Variants in LRP2BP observed in about 807,000 individuals in gnomAD.
LRP2BP encodes LRP2 binding protein.
LRP2BP carries 38 observed loss-of-function variants against 45.2 expected under a neutral mutation model. The ratio of observed to expected loss-of-function variants is 0.84; its 90% CI spans 0.65 to 1.10. The LOEUF (loss-of-function observed/expected upper bound fraction) is 1.10, where lower values mean the gene tolerates loss of function less well. LRP2BP is among the 50% of genes least tolerant of loss of function. LRP2BP has a pLI of 0.00. For synonymous variants in LRP2BP, 153 were observed against 153.9 expected (o/e 0.99, Z 0.04); for missense variants, 385 against 418.9 (o/e 0.92, Z 0.71).
rs2095377917 is a variant in LRP2BP at position 185,364,022 on chromosome 4, C to T, written c.*3158G>A. 1 of 152,702 alleles carries T rather than the reference C, an allele frequency of 6.5e-6. No individual in the cohort carries two copies. Among genetic ancestry groups the T allele is most frequent in the Admixed American group, 6.5e-5 (1 of 15,292 alleles). The allele number at this position is 152,702 out of a possible 1,614,324, so 9.5% of individuals were successfully genotyped here. A position where few individuals can be genotyped will look rare whatever the true frequency, so the allele number is the denominator to read the frequency against. Reference sequence around the variant, plus strand: ...ATATCTCAAAGAGGTTGAAACTCTACAGGCTGTTCAAATATTTATCAAATG... The same window carrying T: ...ATATCTCAAAGAGGTTGAAACTCTATAGGCTGTTCAAATATTTATCAAATG... On this transcript the variant is annotated 3_prime_UTR_variant, in exon 9 of 9. Transcript: ENST00000505916.
At chr4:185,376,041 A>T (rs1463484916) in intron 3 of LRP2BP, among the ~76,000 whole-genome samples, 1 of 151,994 alleles carries the variant, frequency 6.6e-6, no homozygotes, top group Non-Finnish European at 1.5e-5. Context: ...GGTGAAAGAC[A>T]GTCAGTCCCT....
At chr4:185,384,692 G>A (rs1208109158) in intron 1 of LRP2BP, among the ~76,000 whole-genome samples, 3 of 150,738 alleles carry the variant, frequency 2.0e-5, no homozygotes, top group African/African-American at 7.3e-5. Flanking sequence ...CCTCAAACCC[G>A]TGTTTATTGT....
At position 185,395,249 on chromosome 4, in the gene LRP2BP, G is replaced by A. The variant is rs539214736; in HGVS notation, c.-492C>T. On this transcript the variant is annotated 5_prime_UTR_variant, in exon 1 of 9. Coordinates refer to ENST00000505916, the MANE Select transcript of LRP2BP (RefSeq NM_001377440.1). ...CTTAATGCATACTGAACAGAATCTT[G>A]TTTCAAAGAAAAGATATGAAATATG... The A allele has an allele frequency of 1.0e-6, 1 of 985,386 alleles. No homozygotes were observed. The highest frequency in any genetic ancestry group is 1.2e-6 in the Non-Finnish European group (1 of 829,916). 61.0% of individuals were successfully genotyped at this position (985,386 alleles called of 1,614,324 possible). A position where few individuals can be genotyped will look rare whatever the true frequency, so the allele number is the denominator to read the frequency against.
intron 7 of LRP2BP, 152 bp from the exon 8 acceptor site, chr4:185,370,966 T>A: frequency 1.4e-6 from 1 of 707,790 alleles, no homozygotes; most frequent in Non-Finnish European, 2.3e-6. Context: ...AGGGTCCATG[T>A]AGGCACCTCA....
At chr4:185,380,303 A>G (rs2095452102) in intron 1 of LRP2BP, among the ~76,000 whole-genome samples, 1 of 152,214 alleles carries the variant, frequency 6.6e-6, no homozygotes, top group South Asian at 2.1e-4. Context: ...CTAAAACAAA[A>G]TATCAAAAAC....
Position 185,394,898 on chromosome 4 carries a change from G to C in LRP2BP, c.-141C>G. 1 of 985,398 alleles carries C rather than the reference G, an allele frequency of 1.0e-6. No individual in the cohort carries two copies. The highest frequency in any genetic ancestry group is 4.7e-5 in the South Asian group (1 of 21,286). The allele number at this position is 985,398 out of a possible 1,614,324, so 61.0% of individuals were successfully genotyped here. A position where few individuals can be genotyped will look rare whatever the true frequency, so the allele number is the denominator to read the frequency against. On this transcript the variant is annotated 5_prime_UTR_variant, in exon 1 of 9. Coordinates refer to ENST00000505916, the MANE Select transcript of LRP2BP (RefSeq NM_001377440.1). ...GCTTAGGAGAACGCCTATAAAATAT[G>C]CATCTTAGATCATCTTCCGTTTTAG...
In LRP2BP at chr4:185,366,244, T is replaced by C; in HGVS notation, c.*936A>G. 1 of 152,258 alleles carries C rather than the reference T, an allele frequency of 6.6e-6. No homozygotes were observed. The highest frequency in any genetic ancestry group is 1.9e-4 in the East Asian group (1 of 5,206). The allele number at this position is 152,258 out of a possible 1,614,324, so 9.4% of individuals were successfully genotyped here. Reference sequence around the variant, plus strand: ...TGTCATCTATATACGGAAAGCCTTTTGCTAATTTTAACAATATTTAATTGT... The same window carrying C: ...TGTCATCTATATACGGAAAGCCTTTCGCTAATTTTAACAATATTTAATTGT... On this transcript the variant is annotated 3_prime_UTR_variant, in exon 9 of 9. Transcript: ENST00000505916.
chr4:185,371,434 C>T (rs553479677), intron 7 of LRP2BP, among the ~76,000 whole-genome samples: 5 of 150,472 alleles, frequency 3.3e-5, no homozygotes, highest in South Asian at 2.1e-4. Flanking sequence ...CCCAGCTACT[C>T]GGGAGGCTGA....
chr4:185,386,253 T>C (rs1316718160), intron 1 of LRP2BP, among the ~76,000 whole-genome samples: 1 of 152,204 alleles, frequency 6.6e-6, no homozygotes, highest in African/African-American at 2.4e-5. Context: ...GCTTAAAGGC[T>C]GCCTGATATG....
chr4:185,395,282 T>A lies in LRP2BP; in HGVS notation c.-525A>T. On this transcript the variant is annotated 5_prime_UTR_variant, in exon 1 of 9. In the 5' UTR this introduces an upstream ATG that the reference lacks. Transcript: ENST00000505916. Reference sequence around the variant, plus strand: ...GAAAAGATATGAAATATGGAGGCACTTTCACCACACAAATATCCCACTACA... The same window carrying A: ...GAAAAGATATGAAATATGGAGGCACATTCACCACACAAATATCCCACTACA... 2 of 985,474 alleles carry A rather than the reference T, an allele frequency of 2.0e-6. No homozygotes were observed. Among genetic ancestry groups the A allele is most frequent in the Non-Finnish European group, 2.4e-6 (2 of 829,940 alleles). 61.0% of individuals were successfully genotyped at this position (985,474 alleles called of 1,614,324 possible).
At chr4:185,389,055 T>TTTTGTA (rs2095480610) in intron 1 of LRP2BP, among the ~76,000 whole-genome samples, 1 of 151,804 alleles carries the variant, frequency 6.6e-6, no homozygotes, top group Non-Finnish European at 1.5e-5. Flanking sequence ...AATTTTTGTA[T>TTTTGTA]TTTTAGTAGA....
intron 1 of LRP2BP, among the ~76,000 whole-genome samples, chr4:185,394,177 G>A (rs944580095): frequency 1.3e-5 from 2 of 149,636 alleles, no homozygotes; most frequent in African/African-American, 4.9e-5. Context: ...AGAATCACTT[G>A]AACCCGGGAA....
chr4:185,368,795 G>GTTT lies in LRP2BP; in HGVS notation c.979-1553_979-1551dup, dbSNP rs34691416. Among the ~76,000 whole-genome samples the GTTT allele has an allele frequency of 3.8e-3, 500 of 133,048 alleles. 6 individuals are homozygous for GTTT. The highest frequency in any genetic ancestry group is 0.016 in the East Asian group (75 of 4,588). The allele number at this position is 133,048 out of a possible 152,430, so 87.3% of individuals were successfully genotyped here. On this transcript the variant is annotated intron_variant, in intron 8 of 8. Coordinates refer to ENST00000505916, the MANE Select transcript of LRP2BP (RefSeq NM_001377440.1). Reference sequence around the variant, plus strand: ...TCGTTCTCAGATTGGAATCTGTTTTGTTTTTTTTTTTTTTTTGAGATGGAG... The same window carrying GTTT: ...TCGTTCTCAGATTGGAATCTGTTTTGTTTTTTTTTTTTTTTTTTTGAGATGGAG...
intron 7 of LRP2BP, among the ~76,000 whole-genome samples, chr4:185,371,369 C>T (rs562030726): frequency 1.8e-4 from 28 of 151,832 alleles, no homozygotes; most frequent in African/African-American, 6.3e-4. Flanking sequence ...GAAACCCCGT[C>T]TCTACTAAAA....
chr4:185,371,133 C>T lies in LRP2BP; in HGVS notation c.804-319G>A, dbSNP rs117119552. ...TGTCACTTTGTGGATTTAAACTGAA[C>T]GGAGAAGAAAGCATTTTCTATTTCT... is the stretch of plus-strand genomic sequence containing the variant. On this transcript the variant is annotated intron_variant, in intron 7 of 8. Transcript: ENST00000505916. 7.3e-4 allele frequency: 166 copies of T among 227,012 alleles called. 3 individuals carry two copies. The East Asian group carries it at 9.7e-3, about 13-fold the overall frequency. 14.1% of individuals were successfully genotyped at this position (227,012 alleles called of 1,614,324 possible). A position where few individuals can be genotyped will look rare whatever the true frequency, so the allele number is the denominator to read the frequency against.
intron 8 of LRP2BP, chr4:185,369,709 A>G (rs767889857): frequency 2.3e-6 from 1 of 430,712 alleles, no homozygotes; most frequent in South Asian, 1.7e-5. Flanking sequence ...TTTTAAAGTA[A>G]TTTAGGGTTC....
rs991575371 is a variant in LRP2BP, at chr4:185,368,725, C to G, written c.979-1480G>C. Among the ~76,000 whole-genome samples the G allele has an allele frequency of 6.6e-5, 10 of 151,884 alleles. No homozygotes were observed. In the East Asian group the frequency reaches 1.9e-3, roughly 29 times the overall value. ...TCCTAGAGTCCTAGAGTACAGTATC[C>G]TAGTTGCAGAGTAATGGGGCTATTT... On this transcript the variant is annotated intron_variant, in intron 8 of 8. Coordinates refer to ENST00000505916, the MANE Select transcript of LRP2BP (RefSeq NM_001377440.1).
In LRP2BP at chr4:185,374,146, C is replaced by T. The variant is rs2095425338; in HGVS notation, c.568G>A (p.Glu190Lys). 1 of 1,613,784 alleles carries T rather than the reference C, an allele frequency of 6.2e-7. No homozygotes were observed. Among genetic ancestry groups the T allele is most frequent in the South Asian group, 1.1e-5 (1 of 91,060 alleles). The change falls in exon 6 of 9, where the codon GAG becomes AAG. Residue 190 changes from glutamate (E) to lysine (K), a missense_variant. Physicochemically the swap from Glu to Lys is moderately conservative, Grantham distance 56. Coordinates refer to ENST00000505916, the MANE Select transcript of LRP2BP (RefSeq NM_001377440.1). ...GLYYSTKEPK[E>K]LEKAFYWHSE... ...AGAGGGAACGTTACCTTTTCTAACT[C>T]CTTGGGCTCCTTGGTTGAGTAATAC...
At chr4:185,368,319 G>A (rs2095398891) in intron 8 of LRP2BP, among the ~76,000 whole-genome samples, 1 of 152,172 alleles carries the variant, frequency 6.6e-6, no homozygotes. Context: ...CCTGCCTGAC[G>A]GTGGCAGAGC....
Sources: allele counts gnomAD v4.1 joint callset (sites outside exome capture counted in the v4.1 genomes callset), GRCh38; gene constraint gnomAD v4.1.1; transcripts MANE v1.5; gene names NCBI Gene and HGNC (gene_info 2026-07-23, HGNC 2026-07-21).